WASF3: variants seen among roughly 807,000 people sequenced by gnomAD.
WASF3 encodes WASP family member 3.
Under a neutral mutation model 46.6 loss-of-function variants are expected in WASF3, and 11 were observed. That is an observed-to-expected ratio of 0.24 (90% CI 0.15 to 0.39). The LOEUF (loss-of-function observed/expected upper bound fraction) is 0.39, where lower values mean the gene tolerates loss of function less well. WASF3 is among the 10% of genes least tolerant of loss of function. WASF3 has a pLI of 1.00. For synonymous variants in WASF3, 242 were observed against 259.7 expected, an observed-to-expected ratio of 0.93 and a Z score of 0.65; for missense variants, 576 against 669.8, an observed-to-expected ratio of 0.86 and a Z score of 1.55.
chr13:26,672,846 G>A (rs1025939433), intron 6 of WASF3, among the ~76,000 whole-genome samples: 1 of 152,076 alleles, frequency 6.6e-6, no homozygotes, highest in Non-Finnish European at 1.5e-5. Flanking sequence ...TTTGAAAATC[G>A]AAAACAGCAT....
chr13:26,649,965 G>C (rs1282633142), intron 3 of WASF3, among the ~76,000 whole-genome samples: 2 of 152,044 alleles, frequency 1.3e-5, no homozygotes, highest in African/African-American at 2.4e-5. Flanking sequence ...CAGCTACTCG[G>C]GGGGAGAGGC....
At chr13:26,624,657 C>T (rs963069276) in intron 2 of WASF3, among the ~76,000 whole-genome samples, 1 of 151,762 alleles carries the variant, frequency 6.6e-6, no homozygotes, top group Non-Finnish European at 1.5e-5. Flanking sequence ...TTTTAAGAAC[C>T]CTCCAAGTTC....
chr13:26,539,473 A>AT, the WASF3 span, among the ~76,000 whole-genome samples: 2 of 152,024 alleles, frequency 1.3e-5, no homozygotes, highest in South Asian at 2.1e-4. Context: ...TTAGGGGCAT[A>AT]TTTTTCCTGA....
Position 26,688,216 on chromosome 13 carries a change from G to T in WASF3, c.*2371G>T, listed in dbSNP as rs1366065681. ...TTAAATCCAGATCTTTTCTAATATGGTATTACAATGAAAAGAATAAAGAGA... is the reference window on the plus strand; with the variant it reads ...TTAAATCCAGATCTTTTCTAATATGTTATTACAATGAAAAGAATAAAGAGA... On this transcript the variant is annotated 3_prime_UTR_variant, in exon 10 of 10. Transcript: ENST00000335327. 4 of 151,946 alleles carry T rather than the reference G, an allele frequency of 2.6e-5. No individual in the cohort carries two copies. The highest frequency in any genetic ancestry group is 4.4e-5 in the Non-Finnish European group (3 of 68,000). 9.4% of individuals were successfully genotyped at this position (151,946 alleles called of 1,614,324 possible). A position where few individuals can be genotyped will look rare whatever the true frequency, so the allele number is the denominator to read the frequency against.
chr13:26,550,537 A>T, the WASF3 span, among the ~76,000 whole-genome samples: 1 of 152,220 alleles, frequency 6.6e-6, no homozygotes, highest in African/African-American at 2.4e-5. Context: ...AGAGATATTT[A>T]GTTACTTTCC....
At chr13:26,667,493 A>C in intron 4 of WASF3, 24 bp from the exon 5 acceptor site, 1 of 1,597,920 alleles carries the variant, frequency 6.3e-7, no homozygotes, top group East Asian at 2.2e-5. Context: ...ATATAACTCA[A>C]CTTGGGGGAT....
chr13:26,567,711 T>A (rs906758676), intron 1 of WASF3, among the ~76,000 whole-genome samples: 55 of 151,678 alleles, frequency 3.6e-4, no homozygotes, highest in Admixed American at 1.1e-3. Flanking sequence ...AAAAAAAATA[T>A]ATATATATAT....
intron 7 of WASF3, chr13:26,680,012 T>C: frequency 6.3e-7 from 1 of 1,591,454 alleles, no homozygotes; most frequent in Non-Finnish European, 8.5e-7. Flanking sequence ...GCACCCCCAA[T>C]GTGTGTTTGG....
intron 6 of WASF3, among the ~76,000 whole-genome samples, chr13:26,672,874 GA>G (rs1308732413): frequency 6.6e-6 from 1 of 152,164 alleles, no homozygotes; most frequent in Admixed American, 6.5e-5. Flanking sequence ...AAGAGAACAT[GA>G]GAACAGTTTG....
chr13:26,641,750 G>A (rs141267308), intron 2 of WASF3, among the ~76,000 whole-genome samples: 8 of 152,238 alleles, frequency 5.3e-5, no homozygotes, highest in Admixed American at 2.0e-4. Context: ...CTGGAAGGCC[G>A]GATGGATGGT....
chr13:26,680,339 C>CG, intron 7 of WASF3: 1 of 1,033,008 alleles, frequency 9.7e-7, no homozygotes, highest in Admixed American at 3.3e-5. Flanking sequence ...CTAACGCCCA[C>CG]GGCACTGCCG....
At chr13:26,677,477 A>G (rs116860223) in intron 7 of WASF3, among the ~76,000 whole-genome samples, 1 of 152,352 alleles carries the variant, frequency 6.6e-6, no homozygotes, top group Non-Finnish European at 1.5e-5. Flanking sequence ...TTCTTACAAT[A>G]TGTGATCAAG....
At chr13:26,630,667 A>G (rs1312736313) in intron 2 of WASF3, among the ~76,000 whole-genome samples, 1 of 152,220 alleles carries the variant, frequency 6.6e-6, no homozygotes, top group African/African-American at 2.4e-5. Context: ...TCCTTTGGGT[A>G]TATACCCAGT....
chr13:26,567,916 A>G (rs1371053050), intron 1 of WASF3, among the ~76,000 whole-genome samples: 3 of 152,158 alleles, frequency 2.0e-5, no homozygotes, highest in Admixed American at 1.3e-4. Flanking sequence ...CCTATGTGAG[A>G]TGACATTTGA....
At chr13:26,601,854 A>G (rs1178750310) in intron 1 of WASF3, among the ~76,000 whole-genome samples, 1 of 152,236 alleles carries the variant, frequency 6.6e-6, no homozygotes, top group Non-Finnish European at 1.5e-5. Flanking sequence ...GTGGCCTGTC[A>G]TCTGCATACA....
chr13:26,541,449 G>A, the WASF3 span, among the ~76,000 whole-genome samples: 1 of 152,158 alleles, frequency 6.6e-6, no homozygotes, highest in Non-Finnish European at 1.5e-5. Context: ...TAATCTCATA[G>A]GAATATTCTG....
the WASF3 span, among the ~76,000 whole-genome samples, chr13:26,542,786 A>G: frequency 6.6e-6 from 1 of 152,170 alleles, no homozygotes; most frequent in Non-Finnish European, 1.5e-5. Flanking sequence ...TCTGAAACAC[A>G]TTGTTAGTTT....
chr13:26,574,907 G>T (rs1879747941), intron 1 of WASF3, among the ~76,000 whole-genome samples: 1 of 151,364 alleles, frequency 6.6e-6, no homozygotes, highest in African/African-American at 2.4e-5. Flanking sequence ...TGCGATCTCG[G>T]CTCACTGCAA....
rs1639768381 is a variant in WASF3 at position 26,685,079 on chromosome 13, C to T, written c.1352-609C>T. Among the ~76,000 whole-genome samples the T allele has an allele frequency of 1.8e-5, 2 of 110,144 alleles. 1 individual carries two copies. The highest frequency in any genetic ancestry group is 6.5e-4 in the South Asian group (2 of 3,076). 72.3% of individuals were successfully genotyped at this position (110,144 alleles called of 152,430 possible). ...CTCCAGCCTGGGTCACAGAGTGAGA[C>T]CCAATCTCAAAAAAAAAAAAAAAAA... On this transcript the variant is annotated intron_variant, in intron 9 of 9. Transcript: ENST00000335327.
Sources: allele counts gnomAD v4.1 joint callset (sites outside exome capture counted in the v4.1 genomes callset), GRCh38; gene constraint gnomAD v4.1.1; transcripts MANE v1.5; gene names NCBI Gene and HGNC (gene_info 2026-07-23, HGNC 2026-07-21).